TBX15: variants seen among roughly 807,000 people sequenced by gnomAD.
TBX15 encodes T-box transcription factor TBX15.
A neutral mutation model predicts 53.9 loss-of-function variants in TBX15; 18 were observed. The observed-to-expected ratio is 0.33, with a 90% confidence interval of 0.23 to 0.49. The LOEUF is 0.49. Ranked by LOEUF, TBX15 falls within the 20% of genes least tolerant of loss-of-function variation. TBX15 has a pLI of 0.98. For synonymous variants in TBX15, 295 were observed against 278.0 expected, an observed-to-expected ratio of 1.06 and a Z score of -0.61; for missense variants, 692 against 749.5, an observed-to-expected ratio of 0.92 and a Z score of 0.90.
At chr1:118,955,758 T>C (rs188696607) in intron 1 of TBX15, among the ~76,000 whole-genome samples, 8 of 152,294 alleles carry the variant, frequency 5.3e-5, no homozygotes, top group South Asian at 2.1e-4. Context: ...ATGGAATGCT[T>C]GTATATGGAA....
At chr1:118,980,170 G>A (rs1387227383) in intron 1 of TBX15, among the ~76,000 whole-genome samples, 1 of 152,188 alleles carries the variant, frequency 6.6e-6, no homozygotes. Context: ...GTGCGTGGAG[G>A]AAAATTGGGG....
intron 1 of TBX15, among the ~76,000 whole-genome samples, chr1:118,937,924 C>A (rs1048382546): frequency 6.6e-6 from 1 of 152,170 alleles, no homozygotes; most frequent in East Asian, 1.9e-4. Context: ...AATCTTAAAA[C>A]CCAGGCAGCC....
At position 118,956,476 on chromosome 1, in the gene TBX15, C is replaced by A. The variant is rs1656693785; in HGVS notation, c.206-24644G>T. 4.6e-5 allele frequency among the ~76,000 whole-genome samples: 7 copies of A among 152,126 alleles called. No individual in the cohort carries two copies. The South Asian group carries it at 1.5e-3, about 32-fold the overall frequency. ...AGCAAAATATAAACAATTTGTGAAA[C>A]TGTGTAAAGGGTATACATGAAGGAG... On this transcript the variant is annotated intron_variant, in intron 1 of 7. Coordinates refer to ENST00000369429, the MANE Select transcript of TBX15 (RefSeq NM_001330677.2).
intron 1 of TBX15, among the ~76,000 whole-genome samples, chr1:118,933,090 T>C (rs1655853243): frequency 6.6e-6 from 1 of 152,182 alleles, no homozygotes; most frequent in Non-Finnish European, 1.5e-5. Context: ...CCCAATCACG[T>C]TGCTGCCAAC....
At chr1:118,935,740 G>A (rs1220017000) in intron 1 of TBX15, among the ~76,000 whole-genome samples, 2 of 152,154 alleles carry the variant, frequency 1.3e-5, no homozygotes, top group African/African-American at 4.8e-5. Flanking sequence ...GTAACACTAA[G>A]TTCCCACAGA....
rs1557873055 is a variant in TBX15, at chr1:118,893,598, G to GAAAGAAAGAAAGAAAGAAA, written c.1024+5429_1024+5430insTTTCTTTCTTTCTTTCTTT. 7.5e-4 allele frequency among the ~76,000 whole-genome samples: 89 copies of GAAAGAAAGAAAGAAAGAAA among 119,092 alleles called. 4 individuals are homozygous for GAAAGAAAGAAAGAAAGAAA. The highest frequency in any genetic ancestry group is 3.9e-3 in the African/African-American group (85 of 21,970). The allele number at this position is 119,092 out of a possible 152,430, so 78.1% of individuals were successfully genotyped here. ...GGAAAGAAAGAAAGGAAGGAAGGAA[G>GAAAGAAAGAAAGAAAGAAA]GAAAGAAAGAAAGAAAGAGAGAGAG... On this transcript the variant is annotated intron_variant, in intron 7 of 7. Transcript: ENST00000369429.
intron 7 of TBX15, chr1:118,890,750 A>G: frequency 2.1e-6 from 1 of 486,578 alleles, no homozygotes; most frequent in Non-Finnish European, 3.4e-6. Flanking sequence ...GGGCTTTCAC[A>G]TACAGTTTCT....
chr1:118,936,650 C>G (rs1287676528), intron 1 of TBX15, among the ~76,000 whole-genome samples: 1 of 152,126 alleles, frequency 6.6e-6, no homozygotes, highest in Non-Finnish European at 1.5e-5. Context: ...CTCACAAGAA[C>G]TAACACAAAG....
intron 1 of TBX15, among the ~76,000 whole-genome samples, chr1:118,966,413 G>A (rs1338051990): frequency 1.3e-5 from 2 of 152,234 alleles, no homozygotes; most frequent in Admixed American, 6.5e-5. Flanking sequence ...AAAAAAAAGT[G>A]AAGGAAACCC....
intron 7 of TBX15, chr1:118,891,012 C>T (rs764269499): frequency 2.7e-6 from 3 of 1,120,998 alleles, no homozygotes; most frequent in Admixed American, 2.8e-5. Flanking sequence ...ATAGACTGAT[C>T]CCAGAGAATA....
chr1:118,895,236 C>G (rs1043089098), intron 7 of TBX15, among the ~76,000 whole-genome samples: 1 of 152,164 alleles, frequency 6.6e-6, no homozygotes, highest in Non-Finnish European at 1.5e-5. Context: ...TGGTACTGAA[C>G]TCGGTAGTGA....
intron 2 of TBX15, among the ~76,000 whole-genome samples, chr1:118,927,044 G>T (rs1655624455): frequency 6.6e-6 from 1 of 152,044 alleles, no homozygotes; most frequent in African/African-American, 2.4e-5. Flanking sequence ...ATTCTTATTA[G>T]GTACTCTAAG....
chr1:118,902,766 TC>T (rs1295454565), intron 6 of TBX15, among the ~76,000 whole-genome samples: 1 of 152,150 alleles, frequency 6.6e-6, no homozygotes, highest in East Asian at 1.9e-4. Context: ...TCACCTCCCA[TC>T]TTTTCTTTTG....
At chr1:118,898,360 G>T (rs112694972) in intron 7 of TBX15, among the ~76,000 whole-genome samples, 10 of 152,270 alleles carry the variant, frequency 6.6e-5, no homozygotes, top group African/African-American at 2.2e-4. Flanking sequence ...GAAAGCTACA[G>T]ACAAGACTGA....
intron 1 of TBX15, among the ~76,000 whole-genome samples, chr1:118,952,134 G>A (rs1466201514): frequency 2.0e-5 from 3 of 152,048 alleles, no homozygotes; most frequent in Non-Finnish European, 4.4e-5. Flanking sequence ...GATAATCCAC[G>A]GCCACTTAAT....
At chr1:118,928,068 T>A (rs1395468277) in intron 2 of TBX15, among the ~76,000 whole-genome samples, 1 of 152,182 alleles carries the variant, frequency 6.6e-6, no homozygotes, top group Non-Finnish European at 1.5e-5. Flanking sequence ...CAAACAGCCA[T>A]CTTGCAAATA....
In TBX15 at chr1:118,988,127, GTTA is replaced by G; in HGVS notation, c.-335_-333del. On this transcript the variant is annotated 5_prime_UTR_variant, in exon 1 of 8. Transcript: ENST00000369429. ...GTCCACTGAACTTCATCTTGTTTTT[GTTA>G]TTATTATTATTCTCTCTCCTCTCTC... is the stretch of plus-strand genomic sequence containing the variant. The G allele has an allele frequency of 3.6e-5, 13 of 359,380 alleles. No individual in the cohort carries two copies. Among genetic ancestry groups the G allele is most frequent in the East Asian group, 1.1e-4 (2 of 18,558 alleles). The allele number at this position is 359,380 out of a possible 1,614,324, so 22.3% of individuals were successfully genotyped here.
At chr1:118,960,720 C>T (rs17022901) in intron 1 of TBX15, among the ~76,000 whole-genome samples, 3,847 of 152,238 alleles carry the variant, frequency 0.025, 174 homozygotes, top group African/African-American at 0.088. Context: ...ATCAGGGCTT[C>T]GTGTTCCAAA....
At chr1:118,915,362 T>C (rs1655184074) in intron 5 of TBX15, among the ~76,000 whole-genome samples, 1 of 152,170 alleles carries the variant, frequency 6.6e-6, no homozygotes, top group Non-Finnish European at 1.5e-5. Flanking sequence ...TTTATCAGAG[T>C]GGAATTTCCC....
Sources: gnomAD v4.1 joint callset for allele counts (sites outside exome capture counted in the v4.1 genomes callset) on GRCh38, gnomAD v4.1.1 for gene constraint, MANE v1.5 for transcripts, NCBI Gene and HGNC (gene_info 2026-07-23, HGNC 2026-07-21) for gene names.